The following LRRC53 variants were observed in gnomAD, a reference collection of about 807,000 sequenced individuals.
The protein encoded by LRRC53 is leucine-rich repeat-containing protein 53.
Under a neutral mutation model 13.6 loss-of-function variants are expected in LRRC53, and 25 were observed. The ratio of observed to expected loss-of-function variants is 1.83; its 90% CI spans 1.34 to 2.56. The LOEUF (loss-of-function observed/expected upper bound fraction) is 2.56. Ranked by LOEUF, LRRC53 falls within the 30% of genes most tolerant of loss-of-function variation. LRRC53 has a pLI of 0.00. For missense variants in LRRC53, 527 were observed against 275.8 expected, an observed-to-expected ratio of 1.91 and a Z score of -6.45; for synonymous variants, 204 against 109.8, an observed-to-expected ratio of 1.86 and a Z score of -5.37.
the LRRC53 span, among the ~76,000 whole-genome samples, chr1:74,521,948 T>G: frequency 1.2e-4 from 19 of 152,140 alleles, no homozygotes; most frequent in African/African-American, 4.3e-4. Flanking sequence ...TGCATCCAAC[T>G]GTTGTTAATC....
chr1:74,513,393 C>A (rs1047507418), upstream of LRRC53, among the ~76,000 whole-genome samples: 1 of 152,188 alleles, frequency 6.6e-6, no homozygotes, highest in Admixed American at 6.5e-5. Context: ...AGTTGAGAAC[C>A]TGATGATGAC....
At position 74,472,152 on chromosome 1, in the gene LRRC53, G is replaced by A. The variant is rs192017330; in HGVS notation, c.1470C>T (p.Ala490=). Residue 490 remains alanine, a synonymous_variant, in exon 5 of 5, where the codon GCC becomes GCT. Coordinates refer to ENST00000294635, the MANE Select transcript of LRRC53 (RefSeq NM_001382280.1). The stretch of plus-strand genomic sequence containing the variant: ...GCTTCTCAAGACTTTCTCCTGCCAA[G>A]GCTGAAGCGGGTGTTGCATATCTTC... The part of the protein sequence containing the change: ...FRRRYATPAS[A]LAGESLEKRL... 4 of 717,124 alleles carry A rather than the reference G, an allele frequency of 5.6e-6. No individual in the cohort carries two copies. Among genetic ancestry groups the A allele is most frequent in the East Asian group, 5.4e-5 (2 of 37,278 alleles). 44.4% of individuals were successfully genotyped at this position (717,124 alleles called of 1,614,324 possible). A position where few individuals can be genotyped will look rare whatever the true frequency, so the allele number is the denominator to read the frequency against.
chr1:74,484,970 G>A (rs1668680161), intron 1 of LRRC53, among the ~76,000 whole-genome samples: 1 of 152,166 alleles, frequency 6.6e-6, no homozygotes, highest in African/African-American at 2.4e-5. Context: ...AGAGAAGGAT[G>A]AGAGGTAAGC....
intron 1 of LRRC53, among the ~76,000 whole-genome samples, chr1:74,507,116 A>G (rs1294275648): frequency 6.6e-6 from 1 of 152,130 alleles, no homozygotes; most frequent in Non-Finnish European, 1.5e-5. Context: ...AGATCCCTGT[A>G]TTATTCATTA....
intron 1 of LRRC53, among the ~76,000 whole-genome samples, chr1:74,492,439 ATC>A (rs1219388908): frequency 6.6e-6 from 1 of 152,192 alleles, no homozygotes; most frequent in Non-Finnish European, 1.5e-5. Flanking sequence ...AAATTTTATT[ATC>A]TGTTAGCCTA....
chr1:74,529,525 C>A, the LRRC53 span, among the ~76,000 whole-genome samples: 1 of 152,150 alleles, frequency 6.6e-6, no homozygotes, highest in African/African-American at 2.4e-5. Context: ...GAATTAGATT[C>A]TTTTGCTATA....
rs771523559 is a variant in LRRC53 at position 74,492,093 on chromosome 1, T to C, written c.-26-8718A>G. 6.5e-7 allele frequency: 1 copy of C among 1,537,426 alleles called. No individual in the cohort carries two copies. Among genetic ancestry groups the C allele is most frequent in the African/African-American group, 1.4e-5 (1 of 73,880 alleles). ...ACAATTGAAATTGCCCCTCCTCCAC[T>C]CAGCTGATGTCTCCTGCATCAAGTA... On this transcript the variant is annotated intron_variant, in intron 1 of 4. Transcript: ENST00000294635.
At chr1:74,495,598 A>G (rs1291369170) in intron 1 of LRRC53, among the ~76,000 whole-genome samples, 1 of 152,186 alleles carries the variant, frequency 6.6e-6, no homozygotes, top group Admixed American at 6.5e-5. Context: ...TTAAATAGTC[A>G]TCTAATTCAG....
intron 1 of LRRC53, among the ~76,000 whole-genome samples, chr1:74,494,626 G>A (rs1669238804): frequency 6.6e-6 from 1 of 152,274 alleles, no homozygotes; most frequent in East Asian, 1.9e-4. Flanking sequence ...TATTTCTAAA[G>A]CACAGTCACC....
the LRRC53 span, among the ~76,000 whole-genome samples, chr1:74,535,800 A>T: frequency 6.6e-6 from 1 of 152,176 alleles, no homozygotes; most frequent in African/African-American, 2.4e-5. Context: ...AGTTGTCGAT[A>T]TTCAGTCAGT....
At chr1:74,503,724 T>C (rs1373512775) in intron 1 of LRRC53, among the ~76,000 whole-genome samples, 1 of 152,236 alleles carries the variant, frequency 6.6e-6, no homozygotes, top group African/African-American at 2.4e-5. Context: ...TCTAAGCAAG[T>C]GCCACGATGC....
At chr1:74,509,426 G>T (rs1670066635) in intron 1 of LRRC53, among the ~76,000 whole-genome samples, 1 of 152,168 alleles carries the variant, frequency 6.6e-6, no homozygotes, top group African/African-American at 2.4e-5. Flanking sequence ...CAATAGAAAA[G>T]ATTTAAGATG....
chr1:74,496,760 T>A (rs1669347199), intron 1 of LRRC53, among the ~76,000 whole-genome samples: 1 of 152,176 alleles, frequency 6.6e-6, no homozygotes. Flanking sequence ...TCTGCCTCTT[T>A]TAAAATATTT....
In LRRC53 at chr1:74,480,674, C is replaced by T. The variant is rs866742622; in HGVS notation, c.383G>A (p.Arg128Gln). ...ALRTLRGSWF[R>Q]NTSGLTRLQL... ...GAGCCGGGTCAGGCCGCTTGTGTTT[C>T]GGAACCAAGACCCTCGTAGGGTGCG... Residue 128 changes from arginine to glutamine, a missense_variant, in exon 3 of 5, where the codon CGA (arginine) becomes CAA (glutamine). Arg to Gln is a conservative substitution (Grantham distance 43). Coordinates refer to ENST00000294635, the MANE Select transcript of LRRC53 (RefSeq NM_001382280.1). 2 of 717,194 alleles carry T rather than the reference C, an allele frequency of 2.8e-6. No individual in the cohort carries two copies. The highest frequency in any genetic ancestry group is 5.2e-6 in the Non-Finnish European group (2 of 385,094). The allele number at this position is 717,194 out of a possible 1,614,324, so 44.4% of individuals were successfully genotyped here.
the LRRC53 span, among the ~76,000 whole-genome samples, chr1:74,518,622 G>T: frequency 6.6e-6 from 1 of 152,124 alleles, no homozygotes; most frequent in African/African-American, 2.4e-5. Flanking sequence ...TGCCTGGGGA[G>T]CACACTGTCA....
Position 74,471,818 on chromosome 1 carries a change from C to G in LRRC53, c.1804G>C (p.Glu602Gln), listed in dbSNP as rs1667946509. ...NRRQHSKPEKEQIQINSAIEK... is the reference protein window; with the variant it reads ...NRRQHSKPEKQQIQINSAIEK... ...ATTGCACTGTTAATTTGGATTTGCTCTTTCTCAGGCTTTGAGTGTTGTCTA... is the reference window on the plus strand; with the variant it reads ...ATTGCACTGTTAATTTGGATTTGCTGTTTCTCAGGCTTTGAGTGTTGTCTA... The change falls in exon 5 of 5, where the codon GAG (glutamate) becomes CAG (glutamine). Residue 602 changes from glutamate to glutamine, a missense_variant. By Grantham distance (29) the Glu-to-Gln change is conservative (BLOSUM62 2). Transcript: ENST00000294635. 2 of 430,638 alleles carry G rather than the reference C, an allele frequency of 4.6e-6. No individual in the cohort carries two copies. Among genetic ancestry groups the G allele is most frequent in the African/African-American group, 2.0e-5 (1 of 49,156 alleles). 26.7% of individuals were successfully genotyped at this position (430,638 alleles called of 1,614,324 possible). A position where few individuals can be genotyped will look rare whatever the true frequency, so the allele number is the denominator to read the frequency against.
chr1:74,524,393 C>A, the LRRC53 span, among the ~76,000 whole-genome samples: 4 of 152,154 alleles, frequency 2.6e-5, no homozygotes, highest in African/African-American at 9.7e-5. Flanking sequence ...TGTGCGGACT[C>A]CAGGGCTGCT....
chr1:74,493,728 GA>G (rs1473769485), intron 1 of LRRC53, among the ~76,000 whole-genome samples: 1 of 152,104 alleles, frequency 6.6e-6, no homozygotes, highest in African/African-American at 2.4e-5. Context: ...CACCCACATA[GA>G]AAAATGTACT....
chr1:74,519,805 A>T, the LRRC53 span, among the ~76,000 whole-genome samples: 4 of 152,168 alleles, frequency 2.6e-5, no homozygotes, highest in Non-Finnish European at 5.9e-5. Flanking sequence ...TAAGTTTATA[A>T]TGTGTGTCAT....
Sources: gnomAD v4.1 joint callset for allele counts (sites outside exome capture counted in the v4.1 genomes callset) on GRCh38, gnomAD v4.1.1 for gene constraint, MANE v1.5 for transcripts, NCBI Gene and HGNC (gene_info 2026-07-23, HGNC 2026-07-21) for gene names.